The following PDE4D variants were observed in gnomAD, a reference collection of about 807,000 sequenced individuals.
PDE4D encodes the protein phosphodiesterase 4D.
A neutral mutation model predicts 87.4 loss-of-function variants in PDE4D; 24 were observed. The ratio of observed to expected loss-of-function variants is 0.27; its 90% CI spans 0.20 to 0.39. The LOEUF is 0.39. PDE4D is among the 10% of genes least tolerant of loss of function. The pLI, the probability that PDE4D is intolerant of heterozygous loss-of-function variation, is 1.00. For synonymous variants in PDE4D, 384 were observed against 383.2 expected (o/e 1.00, Z -0.02); for missense variants, 714 against 1,041.0 (o/e 0.69, Z 4.32).
intron 1 of PDE4D, among the ~76,000 whole-genome samples, chr5:59,378,063 A>G (rs1162365540): frequency 1.3e-5 from 2 of 152,224 alleles, no homozygotes; most frequent in African/African-American, 4.8e-5. Flanking sequence ...GATAAAAAAA[A>G]ATGTGGTGCA....
At chr5:59,310,731 G>T (rs1230254022) in intron 1 of PDE4D, among the ~76,000 whole-genome samples, 2 of 152,190 alleles carry the variant, frequency 1.3e-5, no homozygotes, top group African/African-American at 4.8e-5. Context: ...ATTCCCACGG[G>T]TGGCAGATGG....
At chr5:60,473,226 A>G (rs1371696271) in intron 1 of PDE4D, among the ~76,000 whole-genome samples, 1 of 151,168 alleles carries the variant, frequency 6.6e-6, no homozygotes, top group African/African-American at 2.4e-5. Context: ...GAAAGAAAGA[A>G]GGAAAGAAGG....
intron 1 of PDE4D, among the ~76,000 whole-genome samples, chr5:59,578,732 CA>C (rs1328355969): frequency 6.6e-6 from 1 of 152,032 alleles, no homozygotes; most frequent in African/African-American, 2.4e-5. Context: ...GGGCATAAAA[CA>C]AAAACTCCCT....
intron 2 of PDE4D, among the ~76,000 whole-genome samples, chr5:60,170,309 A>G (rs1429353609): frequency 6.6e-6 from 1 of 151,982 alleles, no homozygotes; most frequent in Non-Finnish European, 1.5e-5. Context: ...CAGCTTGGTA[A>G]AGTAATGGCT....
chr5:60,150,625 T>A (rs1264377540), intron 2 of PDE4D, among the ~76,000 whole-genome samples: 3 of 152,142 alleles, frequency 2.0e-5, no homozygotes, highest in African/African-American at 7.2e-5. Flanking sequence ...AAGGCTAAAT[T>A]CTGTGTCCTC....
At chr5:60,137,133 C>T (rs1310252228) in intron 2 of PDE4D, among the ~76,000 whole-genome samples, 1 of 152,182 alleles carries the variant, frequency 6.6e-6, no homozygotes, top group Admixed American at 6.5e-5. Context: ...CCACAAAAGA[C>T]AGGATCTCAT....
At chr5:59,535,417 A>G (rs1404850494) in intron 1 of PDE4D, among the ~76,000 whole-genome samples, 1 of 152,242 alleles carries the variant, frequency 6.6e-6, no homozygotes, top group African/African-American at 2.4e-5. Context: ...ATTAGATAAT[A>G]TAACTTTAAT....
At chr5:60,181,677 G>A (rs531840736) in intron 2 of PDE4D, among the ~76,000 whole-genome samples, 61 of 152,220 alleles carry the variant, frequency 4.0e-4, no homozygotes, top group African/African-American at 1.4e-3. Flanking sequence ...AAACTGGTAG[G>A]AAGAAAATGA....
intron 1 of PDE4D, among the ~76,000 whole-genome samples, chr5:59,883,749 G>T (rs1381707767): frequency 1.3e-5 from 2 of 152,018 alleles, no homozygotes; most frequent in African/African-American, 4.8e-5. Flanking sequence ...CCCTTCCTTG[G>T]ATTAGTTGAT....
At chr5:59,102,378 G>A (rs978357533) in intron 5 of PDE4D, among the ~76,000 whole-genome samples, 5 of 152,092 alleles carry the variant, frequency 3.3e-5, no homozygotes, top group East Asian at 1.9e-4. Flanking sequence ...GAGCCATCGC[G>A]CCTGGCCCCT....
chr5:59,093,663 A>T (rs183494811), intron 5 of PDE4D, among the ~76,000 whole-genome samples: 3 of 152,298 alleles, frequency 2.0e-5, no homozygotes, highest in African/African-American at 7.2e-5. Flanking sequence ...AGAACTTCTG[A>T]CATTGTTTCT....
intron 1 of PDE4D, among the ~76,000 whole-genome samples, chr5:59,591,693 G>T (rs149612192): frequency 1.1e-4 from 17 of 152,238 alleles, no homozygotes; most frequent in Admixed American, 1.1e-3. Flanking sequence ...CAAGAGGCTG[G>T]ATTACTTTTG....
chr5:59,200,164 T>TATACACGTGTATGTATATATGTATAC (rs1746730374), intron 2 of PDE4D, among the ~76,000 whole-genome samples: 11 of 53,582 alleles, frequency 2.1e-4, no homozygotes, highest in Admixed American at 7.1e-4. Context: ...TATATATAAG[T>TATACACGTGTATGTATATATGTATAC]ATACACGTGT....
chr5:59,784,125 T>C (rs1764902208), intron 1 of PDE4D, among the ~76,000 whole-genome samples: 1 of 151,942 alleles, frequency 6.6e-6, no homozygotes, highest in African/African-American at 2.4e-5. Context: ...GACTCATCTG[T>C]GTAAGAGAGA....
intron 1 of PDE4D, among the ~76,000 whole-genome samples, chr5:59,304,902 T>C (rs1455889908): frequency 1.3e-5 from 2 of 152,192 alleles, no homozygotes; most frequent in African/African-American, 4.8e-5. Flanking sequence ...AGGGTGATGC[T>C]GGCTTCATAG....
intron 2 of PDE4D, among the ~76,000 whole-genome samples, chr5:60,074,762 C>T (rs987013451): frequency 2.2e-4 from 34 of 152,120 alleles, no homozygotes; most frequent in African/African-American, 7.5e-4. Context: ...ACATAATATC[C>T]TTCTTCATCT....
intron 5 of PDE4D, among the ~76,000 whole-genome samples, chr5:59,105,959 T>A (rs1315023975): frequency 6.6e-6 from 1 of 152,220 alleles, no homozygotes; most frequent in Non-Finnish European, 1.5e-5. Flanking sequence ...ATGGAAGTGT[T>A]CGTGTAAGTG....
At position 59,058,317 on chromosome 5, in the gene PDE4D, G is replaced by C. The variant is rs1461847993; in HGVS notation, c.809-19346C>G. The stretch of plus-strand genomic sequence containing the variant: ...ATGATTAGTGTAACTTTTGTTCCAG[G>C]GGAGAGAAATCCCTAAGAGAGTGAC... On this transcript the variant is annotated intron_variant, in intron 5 of 14. Transcript: ENST00000340635. 1.3e-5 allele frequency among the ~76,000 whole-genome samples: 2 copies of C among 152,052 alleles called. 1 individual carries two copies. The highest frequency in any genetic ancestry group is 4.8e-5 in the African/African-American group (2 of 41,404).
chr5:59,539,514 T>G (rs1225928355), intron 1 of PDE4D, among the ~76,000 whole-genome samples: 3 of 152,172 alleles, frequency 2.0e-5, no homozygotes, highest in African/African-American at 7.2e-5. Context: ...CCCATTTCTC[T>G]GAGAAAATGA....
Sources: gnomAD v4.1 joint callset for allele counts (sites outside exome capture counted in the v4.1 genomes callset) on GRCh38, gnomAD v4.1.1 for gene constraint, MANE v1.5 for transcripts, NCBI Gene and HGNC (gene_info 2026-07-23, HGNC 2026-07-21) for gene names.